The following SOX5 variants were observed in gnomAD, a reference collection of about 807,000 sequenced individuals.
The protein encoded by SOX5 is SRY-box transcription factor 5, also known as transcription factor SOX-5.
In SOX5, 9 loss-of-function variants were observed where a neutral mutation model predicts 92.0. The observed-to-expected ratio is 0.10, with a 90% CI of 0.06 to 0.17. The LOEUF is 0.17. Ranked by LOEUF, SOX5 falls within the 10% of genes least tolerant of loss-of-function variation. The probability of loss-of-function intolerance (pLI) is 1.00; values close to 1 mark genes in which losing one functional copy is unlikely to be tolerated. For missense variants in SOX5, 642 were observed against 944.5 expected (o/e 0.68, Z 4.20); for synonymous variants, 344 against 336.3 (o/e 1.02, Z -0.25).
intron 1 of SOX5, among the ~76,000 whole-genome samples, chr12:23,913,483 A>T (rs896741863): frequency 1.3e-5 from 2 of 152,136 alleles, no homozygotes; most frequent in African/African-American, 4.8e-5. Flanking sequence ...CATGCCTGTA[A>T]TCCCAGTACT....
intron 4 of SOX5, among the ~76,000 whole-genome samples, chr12:24,174,543 C>A (rs1046239122): frequency 2.1e-4 from 32 of 152,086 alleles, no homozygotes; most frequent in African/African-American, 7.7e-4. Context: ...AAAAACAAGG[C>A]GGAAATAATT....
chr12:24,065,878 A>T (rs1940655639), intron 4 of SOX5, among the ~76,000 whole-genome samples: 1 of 152,066 alleles, frequency 6.6e-6, no homozygotes, highest in Non-Finnish European at 1.5e-5. Flanking sequence ...ACAATTACAA[A>T]ACCACCAAAA....
chr12:23,860,152 A>T (rs754816942), intron 2 of SOX5, among the ~76,000 whole-genome samples: 3 of 152,142 alleles, frequency 2.0e-5, no homozygotes, highest in Non-Finnish European at 4.4e-5. Flanking sequence ...CTTGGGGGGA[A>T]ACGGTGGGAG....
intron 6 of SOX5, among the ~76,000 whole-genome samples, chr12:23,717,433 C>CA (rs568743422): frequency 5.2e-4 from 79 of 151,840 alleles, no homozygotes; most frequent in Admixed American, 6.6e-4. Context: ...CCATCAATGA[C>CA]AAAAAAATGT....
intron 9 of SOX5, among the ~76,000 whole-genome samples, chr12:23,579,731 A>C (rs1949778700): frequency 6.6e-6 from 1 of 152,138 alleles, no homozygotes; most frequent in African/African-American, 2.4e-5. Context: ...CAAAAGCTTA[A>C]CATGATTAAC....
chr12:24,169,961 C>T (rs531425249), intron 4 of SOX5, among the ~76,000 whole-genome samples: 29 of 152,148 alleles, frequency 1.9e-4, no homozygotes, highest in Non-Finnish European at 3.7e-4. Flanking sequence ...GTTGCCTGAA[C>T]CACAAAGGGC....
chr12:23,897,088 T>G (rs1274028515), intron 1 of SOX5, among the ~76,000 whole-genome samples: 1 of 152,162 alleles, frequency 6.6e-6, no homozygotes, highest in African/African-American at 2.4e-5. Flanking sequence ...CAACTTAATC[T>G]GACCTTGAAA....
chr12:23,764,817 A>G (rs2094664670), intron 3 of SOX5, among the ~76,000 whole-genome samples: 1 of 152,086 alleles, frequency 6.6e-6, no homozygotes, highest in South Asian at 2.1e-4. Flanking sequence ...ATTATGACAG[A>G]ATGTTTTACC....
At chr12:24,191,094 C>T (rs545680462) in intron 4 of SOX5, among the ~76,000 whole-genome samples, 2 of 152,206 alleles carry the variant, frequency 1.3e-5, no homozygotes, top group Non-Finnish European at 2.9e-5. Flanking sequence ...CGTGCACCAC[C>T]GCACCTGGCT....
At chr12:24,517,275 T>C (rs1949872694) in intron 1 of SOX5, among the ~76,000 whole-genome samples, 1 of 152,014 alleles carries the variant, frequency 6.6e-6, no homozygotes, top group African/African-American at 2.4e-5. Context: ...AAAAAGGAAA[T>C]CTACAAGAAG....
Position 23,615,281 on chromosome 12 carries a change from A to T in SOX5, c.1018-10748T>A, listed in dbSNP as rs187733130. Among the ~76,000 whole-genome samples the T allele has an allele frequency of 7.0e-3, 1,064 of 151,992 alleles. 2 individuals carry two copies. The highest frequency in any genetic ancestry group is 0.024 in the Middle Eastern group (7 of 292). On this transcript the variant is annotated intron_variant, in intron 8 of 14. Transcript: ENST00000451604. ...TGCATTCAGATCTTTTGCTTTTTTT[A>T]AAAAAAATTAAGCTGTCTTATTATT...
At chr12:24,021,659 A>C (rs896063614) in intron 4 of SOX5, among the ~76,000 whole-genome samples, 1 of 152,176 alleles carries the variant, frequency 6.6e-6, no homozygotes, top group Non-Finnish European at 1.5e-5. Context: ...GGCCTAATGG[A>C]ATCAGCACGG....
chr12:23,862,995 T>C (rs1330022210), intron 2 of SOX5, among the ~76,000 whole-genome samples: 1 of 152,180 alleles, frequency 6.6e-6, no homozygotes, highest in South Asian at 2.1e-4. Context: ...ATGCAACTAG[T>C]AGACAGGATA....
chr12:24,557,188 G>T (rs1170382502), intron 1 of SOX5, among the ~76,000 whole-genome samples: 2 of 152,048 alleles, frequency 1.3e-5, no homozygotes, highest in Admixed American at 1.3e-4. Flanking sequence ...AGGAGATCGA[G>T]ACCACTCTGA....
chr12:23,897,896 TC>T (rs1229866940), intron 1 of SOX5, among the ~76,000 whole-genome samples: 1 of 152,164 alleles, frequency 6.6e-6, no homozygotes, highest in Non-Finnish European at 1.5e-5. Flanking sequence ...ATACCACATT[TC>T]AAGTAATTTT....
intron 1 of SOX5, among the ~76,000 whole-genome samples, chr12:24,457,070 T>C (rs534207689): frequency 2.6e-5 from 4 of 152,350 alleles, no homozygotes; most frequent in Non-Finnish European, 5.9e-5. Flanking sequence ...GCAAAAGTTA[T>C]TTATAGATTG....
At chr12:24,309,429 C>T (rs1508225) in intron 2 of SOX5, among the ~76,000 whole-genome samples, 1 of 152,120 alleles carries the variant, frequency 6.6e-6, no homozygotes, top group Non-Finnish European at 1.5e-5. Flanking sequence ...TTGTTATTCT[C>T]CATTTCCCTC....
chr12:23,991,183 G>A (rs1236080845), intron 4 of SOX5, among the ~76,000 whole-genome samples: 9 of 105,222 alleles, frequency 8.6e-5, no homozygotes, highest in Admixed American at 4.4e-4. Context: ...GTGAGATCCC[G>A]TCTCTGCAAA....
intron 1 of SOX5, among the ~76,000 whole-genome samples, chr12:24,531,205 C>A (rs1340578001): frequency 6.6e-6 from 1 of 152,024 alleles, no homozygotes; most frequent in African/African-American, 2.4e-5. Flanking sequence ...GCATTTCTGA[C>A]CAACATTAAG....
Sources: allele counts gnomAD v4.1 joint callset (sites outside exome capture counted in the v4.1 genomes callset), GRCh38; gene constraint gnomAD v4.1.1; transcripts MANE v1.5; gene names NCBI Gene and HGNC (gene_info 2026-07-23, HGNC 2026-07-21).